The following LUZP2 variants were observed in gnomAD, a reference collection of about 807,000 sequenced individuals.
LUZP2 encodes leucine zipper protein 2.
LUZP2 carries 52 observed loss-of-function variants against 51.6 expected under a neutral mutation model. The observed-to-expected ratio is 1.01, with a 90% confidence interval of 0.81 to 1.27. The LOEUF (loss-of-function observed/expected upper bound fraction) is 1.27, where lower values mean the gene tolerates loss of function less well. LUZP2 is among the 50% of genes most tolerant of loss of function. The pLI, the probability that LUZP2 is intolerant of heterozygous loss-of-function variation, is 0.00. For synonymous variants in LUZP2, 154 were observed against 137.3 expected, an observed-to-expected ratio of 1.12 and a Z score of -0.85; for missense variants, 436 against 395.4, an observed-to-expected ratio of 1.10 and a Z score of -0.87.
intron 9 of LUZP2, among the ~76,000 whole-genome samples, chr11:25,016,590 A>ATG (rs1857164737): frequency 6.6e-6 from 1 of 151,120 alleles, no homozygotes; most frequent in Non-Finnish European, 1.5e-5. Context: ...ATGGTGCAGT[A>ATG]TGTGTATATA....
At chr11:25,029,037 G>T (rs1433919586) in intron 9 of LUZP2, among the ~76,000 whole-genome samples, 1 of 152,108 alleles carries the variant, frequency 6.6e-6, no homozygotes, top group Admixed American at 6.6e-5. Flanking sequence ...TCAAACAATT[G>T]AACTCATGGA....
rs1400598954 is a variant in LUZP2, at chr11:24,975,718, G to A, written c.523-873G>A. On this transcript the variant is annotated intron_variant, in intron 7 of 11. Coordinates refer to ENST00000336930, the MANE Select transcript of LUZP2 (RefSeq NM_001009909.4). ...GGGCTTTGCCCAATATCACATAGCT[G>A]GGAAGGGGTGGAGGCAGGATTTGAA... Among the ~76,000 whole-genome samples, 3 of 152,004 alleles carry A rather than the reference G, an allele frequency of 2.0e-5. No homozygotes were observed. The East Asian group carries it at 5.8e-4, about 29-fold the overall frequency.
intron 9 of LUZP2, among the ~76,000 whole-genome samples, chr11:25,025,524 A>G (rs1857464829): frequency 6.6e-6 from 1 of 152,198 alleles, no homozygotes; most frequent in South Asian, 2.1e-4. Flanking sequence ...ACATTTATTC[A>G]CCCAACAGAC....
At position 24,895,990 on chromosome 11, in the gene LUZP2, T is replaced by A. The variant is rs535186946; in HGVS notation, c.397-10001T>A. On this transcript the variant is annotated intron_variant, in intron 5 of 11. Transcript: ENST00000336930. ...AAGTGTTCCCTTTTCTCCACACCCT[T>A]ATCAGCATCTGTTGTTTTTTGACTA... 6.6e-5 allele frequency among the ~76,000 whole-genome samples: 10 copies of A among 152,366 alleles called. No individual in the cohort carries two copies. The East Asian group carries it at 1.7e-3, about 26-fold the overall frequency.
At chr11:24,827,913 A>T in intron 5 of LUZP2, among the ~76,000 whole-genome samples, 1 of 152,080 alleles carries the variant, frequency 6.6e-6, no homozygotes, top group East Asian at 1.9e-4. Flanking sequence ...CACTCTAGAC[A>T]ACAGAAAATT....
intron 8 of LUZP2, among the ~76,000 whole-genome samples, chr11:24,978,399 T>C (rs528307990): frequency 6.6e-6 from 1 of 151,912 alleles, no homozygotes; most frequent in East Asian, 1.9e-4. Flanking sequence ...GACATTCCTG[T>C]ACAGTCGCTG....
At chr11:24,929,258 G>A (rs537620369) in intron 7 of LUZP2, among the ~76,000 whole-genome samples, 1 of 151,836 alleles carries the variant, frequency 6.6e-6, no homozygotes, top group Non-Finnish European at 1.5e-5. Flanking sequence ...TCTTCTGCTG[G>A]GTTCAAGTTT....
intron 1 of LUZP2, among the ~76,000 whole-genome samples, chr11:24,680,456 G>C (rs11028102): frequency 0.19 from 28,198 of 152,150 alleles, 2,707 homozygotes; most frequent in East Asian, 0.32. Context: ...AGACTTCTCA[G>C]TGTCCCAGTG....
intron 4 of LUZP2, among the ~76,000 whole-genome samples, chr11:24,742,548 T>G (rs1859222472): frequency 6.6e-6 from 1 of 152,100 alleles, no homozygotes; most frequent in African/African-American, 2.4e-5. Context: ...TTGATGGGAT[T>G]CTTTTTAACT....
chr11:24,620,224 A>T (rs1437676390), intron 1 of LUZP2, among the ~76,000 whole-genome samples: 1 of 152,028 alleles, frequency 6.6e-6, no homozygotes, highest in Non-Finnish European at 1.5e-5. Flanking sequence ...GTACTTTCCC[A>T]CTGTTAGGGA....
chr11:24,743,866 T>C lies in LUZP2; in HGVS notation c.333+5564T>C, dbSNP rs533841087. On this transcript the variant is annotated intron_variant, in intron 4 of 11. Coordinates refer to ENST00000336930, the MANE Select transcript of LUZP2 (RefSeq NM_001009909.4). ...TTTTATTACATTGAGGTATGTCCCT[T>C]GTATGCTGATTTTGCTGAAGGTTTT... Among the ~76,000 whole-genome samples the C allele has an allele frequency of 1.6e-3, 246 of 152,210 alleles. 4 individuals are homozygous for C. Among genetic ancestry groups the C allele is most frequent in the Non-Finnish European group, 6.9e-4 (47 of 67,984 alleles).
At chr11:24,934,825 TA>T (rs1854546102) in intron 7 of LUZP2, among the ~76,000 whole-genome samples, 1 of 152,198 alleles carries the variant, frequency 6.6e-6, no homozygotes, top group Non-Finnish European at 1.5e-5. Flanking sequence ...AAGTAGCTCC[TA>T]AAAGTCTGTC....
chr11:24,920,445 C>G (rs1287635610), intron 7 of LUZP2, among the ~76,000 whole-genome samples: 3 of 151,904 alleles, frequency 2.0e-5, no homozygotes, highest in Non-Finnish European at 4.4e-5. Context: ...TGTTGGGTAT[C>G]TACTCCCCCA....
At chr11:25,009,220 T>A (rs548918671) in intron 9 of LUZP2, among the ~76,000 whole-genome samples, 1 of 152,288 alleles carries the variant, frequency 6.6e-6, no homozygotes, top group South Asian at 2.1e-4. Context: ...TCATCATAAT[T>A]CATTTGTTTA....
At chr11:24,505,006 T>G (rs1361735561) in intron 1 of LUZP2, among the ~76,000 whole-genome samples, 1 of 152,170 alleles carries the variant, frequency 6.6e-6, no homozygotes, top group Non-Finnish European at 1.5e-5. Flanking sequence ...AGGTTCCTCT[T>G]TTTATTTTTT....
At chr11:24,655,491 A>G (rs1376412918) in intron 1 of LUZP2, among the ~76,000 whole-genome samples, 2 of 152,152 alleles carry the variant, frequency 1.3e-5, no homozygotes, top group Non-Finnish European at 2.9e-5. Context: ...TTCAGAGGCT[A>G]GAGATCATAA....
chr11:24,826,649 T>C (rs978201667), intron 5 of LUZP2, among the ~76,000 whole-genome samples: 1 of 152,078 alleles, frequency 6.6e-6, no homozygotes, highest in African/African-American at 2.4e-5. Flanking sequence ...CAATATTCAC[T>C]ATTTTGATTC....
In LUZP2 at chr11:24,638,180, T is replaced by C. The variant is rs192302974; in HGVS notation, c.63-90989T>C. 6.9e-4 allele frequency among the ~76,000 whole-genome samples: 105 copies of C among 151,968 alleles called. 2 individuals carry two copies. Among genetic ancestry groups the C allele is most frequent in the Middle Eastern group, 3.4e-3 (1 of 294 alleles). ...ACAAAACTATATGAAAGTAACATTT[T>C]AAAAGATAGATGTCTAATATGTAAT... On this transcript the variant is annotated intron_variant, in intron 1 of 11. Transcript: ENST00000336930.
intron 4 of LUZP2, among the ~76,000 whole-genome samples, chr11:24,746,186 G>A (rs1224565676): frequency 6.6e-6 from 1 of 152,188 alleles, no homozygotes; most frequent in East Asian, 1.9e-4. Context: ...CTGTTTTGAT[G>A]TTTCCAGGAT....
Sources: gnomAD v4.1 joint callset for allele counts (sites outside exome capture counted in the v4.1 genomes callset) on GRCh38, gnomAD v4.1.1 for gene constraint, MANE v1.5 for transcripts, NCBI Gene and HGNC (gene_info 2026-07-23, HGNC 2026-07-21) for gene names.